SECISBP2L: variants seen among roughly 807,000 people sequenced by gnomAD.
SECISBP2L encodes the protein selenocysteine insertion sequence-binding protein 2-like.
Under a neutral mutation model 114.7 loss-of-function variants are expected in SECISBP2L, and 43 were observed. The observed-to-expected ratio is 0.38, with a 90% CI of 0.29 to 0.48. The LOEUF (loss-of-function observed/expected upper bound fraction) is 0.48. Among genes scored for constraint, SECISBP2L ranks in the 20% least tolerant of loss-of-function variants. SECISBP2L has a pLI of 0.98. For missense variants in SECISBP2L, 1,136 were observed against 1,301.1 expected (o/e 0.87, Z 1.95); for synonymous variants, 451 against 439.7 (o/e 1.03, Z -0.32).
intron 4 of SECISBP2L, among the ~76,000 whole-genome samples, chr15:49,032,099 C>T (rs1192309963): frequency 6.6e-6 from 1 of 152,154 alleles, no homozygotes; most frequent in Non-Finnish European, 1.5e-5. Context: ...TAAAAAGATA[C>T]ATAGATCTCC....
intron 1 of SECISBP2L, among the ~76,000 whole-genome samples, chr15:49,040,834 G>A (rs866765634): frequency 6.6e-6 from 1 of 151,490 alleles, no homozygotes; most frequent in Non-Finnish European, 1.5e-5. Flanking sequence ...CACCGCGCCC[G>A]GCCGATCCCA....
chr15:49,003,239 T>C (rs529332287), intron 14 of SECISBP2L, among the ~76,000 whole-genome samples: 8 of 152,358 alleles, frequency 5.3e-5, no homozygotes, highest in Non-Finnish European at 1.2e-4. Context: ...ACTCATTATT[T>C]GGCTATTATT....
chr15:49,013,287 T>TTTTA (rs145110588), intron 11 of SECISBP2L: 22,564 of 151,294 alleles, frequency 0.15, 2,548 homozygotes, highest in African/African-American at 0.32. Context: ...CAGTAATTAT[T>TTTTA]TTTATTTATT....
Position 48,996,568 on chromosome 15 carries a change from C to G in SECISBP2L, c.2422G>C (p.Val808Leu). The change falls in exon 17 of 18, where the codon GTA (valine) becomes CTA (leucine). Residue 808 changes from valine (V) to leucine (L), a missense_variant. Around this residue, in one of 2 missense-constraint regions of SECISBP2L, gnomAD observed 684 missense variants for 848.7 expected, o/e 0.81. Coordinates refer to ENST00000559471, the MANE Select transcript of SECISBP2L (RefSeq NM_001193489.2). ...TTCCTGGCCTCCTCAGTGAGTTCTACTAATTTATTAAACAGGCTCTGAAAA... is the reference window on the plus strand; with the variant it reads ...TTCCTGGCCTCCTCAGTGAGTTCTAGTAATTTATTAAACAGGCTCTGAAAA... ...FGAESLFNKL[V>L]ELTEEARKAY... The G allele has an allele frequency of 1.2e-6, 2 of 1,613,062 alleles. No homozygotes were observed. Among genetic ancestry groups the G allele is most frequent in the South Asian group, 1.1e-5 (1 of 90,658 alleles).
At chr15:49,011,987 ACTGGC>A in intron 12 of SECISBP2L, 124 bp from the exon 13 acceptor site, 1 of 1,098,046 alleles carries the variant, frequency 9.1e-7, no homozygotes, top group Admixed American at 2.4e-5. Flanking sequence ...AGTTTGGCTA[ACTGGC>A]AAAAAGGCAA....
chr15:49,014,326 C>T (rs1902495133), intron 11 of SECISBP2L, among the ~76,000 whole-genome samples: 1 of 152,042 alleles, frequency 6.6e-6, no homozygotes. Flanking sequence ...GTGAGCATTC[C>T]ACAAGGCTTT....
At chr15:48,999,785 C>T (rs751480598) in intron 16 of SECISBP2L, 48 bp downstream of exon 16, 42 of 1,587,618 alleles carry the variant, frequency 2.6e-5, no homozygotes, top group Non-Finnish European at 3.4e-5. Flanking sequence ...AATGTGCTAT[C>T]TGGGGGATGT....
chr15:49,025,655 G>T (rs747944895), intron 7 of SECISBP2L, among the ~76,000 whole-genome samples: 31 of 151,974 alleles, frequency 2.0e-4, no homozygotes, highest in African/African-American at 7.2e-4. Context: ...TAATCATCAG[G>T]GAAATGCATA....
chr15:48,998,077 G>C (rs1253794768), intron 16 of SECISBP2L, among the ~76,000 whole-genome samples: 1 of 152,064 alleles, frequency 6.6e-6, no homozygotes, highest in African/African-American at 2.4e-5. Flanking sequence ...ACAACATTAA[G>C]AATTTCAAAG....
chr15:49,016,960 A>G lies in SECISBP2L; in HGVS notation c.1307T>C (p.Ile436Thr). 6.2e-7 allele frequency: 1 copy of G among 1,614,040 alleles called. No homozygotes were observed. The highest frequency in any genetic ancestry group is 8.5e-7 in the Non-Finnish European group (1 of 1,179,954). ...TGCACGTTTGGGAACTGAGGTGGTA[A>G]TAGGAATTGGAGTCTGAACTATATT... is the stretch of plus-strand genomic sequence containing the variant. ...PINIVQTPIP[I>T]TTSVPKRAKS... Residue 436 changes from isoleucine to threonine, a missense_variant, in exon 10 of 18, where the codon ATT becomes ACT. Ile to Thr is a moderately conservative substitution (Grantham distance 89). This residue lies in a region of SECISBP2L where 684 missense variants were observed against 848.7 expected (regional missense o/e 0.81). Transcript: ENST00000559471.
Position 49,012,718 on chromosome 15 carries a change from G to C in SECISBP2L, c.1661C>G (p.Ala554Gly). ...CLTSFNSVDI[A>G]SSKAKKGKEK... ...TTTTCCTTTTTTTGCTTTAGAAGAA[G>C]CAATGTCCACAGAATTAAAGGATGT... The change falls in exon 12 of 18, where the codon GCT (alanine) becomes GGT (glycine). Residue 554 changes from alanine (A) to glycine (G), a missense_variant. Coordinates refer to ENST00000559471, the MANE Select transcript of SECISBP2L (RefSeq NM_001193489.2). 6.2e-7 allele frequency: 1 copy of C among 1,612,984 alleles called. No individual in the cohort carries two copies. The highest frequency in any genetic ancestry group is 8.5e-7 in the Non-Finnish European group (1 of 1,179,454).
intron 17 of SECISBP2L, 75 bp from the exon 18 acceptor site, chr15:48,993,001 AAAAG>A: frequency 8.0e-7 from 1 of 1,250,208 alleles, no homozygotes; most frequent in South Asian, 1.4e-5. Flanking sequence ...AAACCCCCAA[AAAAG>A]AAAGAACAAC....
At chr15:49,020,399 CA>C (rs1566858359) in intron 7 of SECISBP2L, among the ~76,000 whole-genome samples, 2 of 151,570 alleles carry the variant, frequency 1.3e-5, no homozygotes, top group African/African-American at 2.4e-5. Flanking sequence ...TTTGTAGAGA[CA>C]GGGGTCTCGC....
At chr15:49,004,286 T>G (rs1170995085) in intron 14 of SECISBP2L, among the ~76,000 whole-genome samples, 1 of 152,204 alleles carries the variant, frequency 6.6e-6, no homozygotes, top group Non-Finnish European at 1.5e-5. Flanking sequence ...AGTTGTGATC[T>G]TCCCTTTATC....
chr15:49,006,854 T>A (rs769230491), intron 14 of SECISBP2L, among the ~76,000 whole-genome samples: 16 of 152,196 alleles, frequency 1.1e-4, no homozygotes, highest in Non-Finnish European at 1.9e-4. Flanking sequence ...GGAGTTGTGA[T>A]CCTTTGGAGG....
chr15:49,027,455 A>T lies in SECISBP2L; in HGVS notation c.945T>A (p.Thr315=), dbSNP rs144454757. Residue 315 remains threonine (T), a synonymous_variant, in exon 7 of 18, where the codon ACT becomes ACA. Coordinates refer to ENST00000559471, the MANE Select transcript of SECISBP2L (RefSeq NM_001193489.2). ...AAGGTTTTTTCTGAGTTGCCTGGCA[A>T]GTTACATTGGACCAATTTACACCAC... The part of the protein sequence containing the change: ...CAGGVNWSNV[T]CQATQKKPWM... The T allele has an allele frequency of 2.5e-6, 4 of 1,608,740 alleles. No individual in the cohort carries two copies. The African/African-American group carries it at 5.3e-5, about 21-fold the overall frequency.
In SECISBP2L at chr15:49,006,873, T is replaced by C. The variant is rs1394723125; in HGVS notation, c.2027+2343A>G. ...TTGTGATCCTTTGGAGGAGAAGAGG[T>C]ATTCTGGTTTTTGCAATTTTCAGCC... On this transcript the variant is annotated intron_variant, in intron 14 of 17. Transcript: ENST00000559471. Among the ~76,000 whole-genome samples, 3 of 152,018 alleles carry C rather than the reference T, an allele frequency of 2.0e-5. No individual in the cohort carries two copies. The East Asian group carries it at 5.8e-4, about 29-fold the overall frequency.
chr15:49,000,403 CCTA>C (rs1385242779), intron 15 of SECISBP2L, among the ~76,000 whole-genome samples: 1 of 152,138 alleles, frequency 6.6e-6, no homozygotes, highest in Non-Finnish European at 1.5e-5. Context: ...CATGCATATG[CCTA>C]CTACTACTAC....
Position 49,035,549 on chromosome 15 carries a change from C to A in SECISBP2L, c.313G>T (p.Glu105Ter). The A allele has an allele frequency of 6.2e-7, 1 of 1,614,208 alleles. No individual in the cohort carries two copies. Among genetic ancestry groups the A allele is most frequent in the Non-Finnish European group, 8.5e-7 (1 of 1,180,020 alleles). Residue 105 changes from glutamate (E) to a stop codon, truncating the protein, a stop_gained, in exon 3 of 18, where the codon GAG (glutamate) becomes TAG (stop). Transcript: ENST00000559471. LOFTEE classifies it high-confidence loss of function. ...GGCATCAGCTGATAATATGTATACT[C>A]TGTAGAAACAGGCGGCTGAGCAGAT... ...IISAQPPVST[E>*]YTYYQLMPAP...
Sources: gnomAD v4.1 joint callset for allele counts (sites outside exome capture counted in the v4.1 genomes callset) on GRCh38, gnomAD v4.1.1 for gene constraint, gnomAD v4.1.1 regional missense constraint, MANE v1.5 for transcripts, NCBI Gene and HGNC (gene_info 2026-07-23, HGNC 2026-07-21) for gene names.